The following TAFA2 variants were observed in gnomAD, a reference collection of about 807,000 sequenced individuals.
The protein encoded by TAFA2 is chemokine-like protein TAFA-2.
A neutral mutation model predicts 18.8 loss-of-function variants in TAFA2; 7 were observed. The ratio of observed to expected loss-of-function variants is 0.37; its 90% CI spans 0.21 to 0.70. The LOEUF (loss-of-function observed/expected upper bound fraction) is 0.70. Ranked by LOEUF, TAFA2 falls within the 30% of genes least tolerant of loss-of-function variation. TAFA2 has a pLI of 0.53. For synonymous variants in TAFA2, 60 were observed against 54.2 expected (o/e 1.11, Z -0.47); for missense variants, 122 against 158.1 (o/e 0.77, Z 1.23).
chr12:62,129,444 C>A (rs1447233133), intron 1 of TAFA2, among the ~76,000 whole-genome samples: 1 of 151,816 alleles, frequency 6.6e-6, no homozygotes, highest in Non-Finnish European at 1.5e-5. Flanking sequence ...ATAACTATAC[C>A]ACAGCATAAC....
intron 2 of TAFA2, among the ~76,000 whole-genome samples, chr12:61,802,180 A>T (rs1871423904): frequency 6.6e-6 from 1 of 152,062 alleles, no homozygotes. Flanking sequence ...AAGTATAGCC[A>T]CTATTGAAAA....
At chr12:62,007,262 G>A (rs1394543351) in intron 1 of TAFA2, among the ~76,000 whole-genome samples, 7 of 152,092 alleles carry the variant, frequency 4.6e-5, no homozygotes. Flanking sequence ...CTCATTTAGG[G>A]CATAAATGTT....
intron 1 of TAFA2, among the ~76,000 whole-genome samples, chr12:61,930,025 G>A (rs1430929852): frequency 1.4e-5 from 2 of 147,752 alleles, no homozygotes; most frequent in Non-Finnish European, 2.9e-5. Flanking sequence ...GTAGGGGGGA[G>A]GGATAGCATT....
At chr12:61,838,768 T>C (rs980081441) in intron 2 of TAFA2, among the ~76,000 whole-genome samples, 2 of 151,790 alleles carry the variant, frequency 1.3e-5, no homozygotes, top group South Asian at 4.2e-4. Context: ...TAGAGTGGAG[T>C]GAGGGGCAGC....
intron 2 of TAFA2, among the ~76,000 whole-genome samples, chr12:61,835,265 T>C (rs188485580): frequency 9.4e-4 from 143 of 152,170 alleles, no homozygotes; most frequent in Non-Finnish European, 1.5e-3. Context: ...GATACTCACT[T>C]TCAAATTTGG....
intron 1 of TAFA2, among the ~76,000 whole-genome samples, chr12:62,065,054 G>T (rs1184161016): frequency 6.6e-6 from 1 of 151,958 alleles, no homozygotes; most frequent in East Asian, 1.9e-4. Flanking sequence ...GATAGCTGTT[G>T]TTGCTATATT....
intron 4 of TAFA2, among the ~76,000 whole-genome samples, chr12:61,717,115 G>T (rs2120569287): frequency 6.6e-6 from 1 of 152,180 alleles, no homozygotes; most frequent in Non-Finnish European, 1.5e-5. Flanking sequence ...CTTTTTGTGT[G>T]CTAAATGCGC....
At chr12:62,132,299 GAA>G (rs3031069) in intron 1 of TAFA2, among the ~76,000 whole-genome samples, 13 of 147,518 alleles carry the variant, frequency 8.8e-5, no homozygotes, top group Admixed American at 2.0e-4. Context: ...ACAGTTAGCA[GAA>G]AAAAAAAAAA....
intron 1 of TAFA2, among the ~76,000 whole-genome samples, chr12:62,047,325 C>A (rs967547315): frequency 2.0e-5 from 3 of 152,076 alleles, no homozygotes; most frequent in Admixed American, 2.0e-4. Context: ...CAAGTGACAA[C>A]CTCTATAAAC....
At chr12:61,721,253 C>A (rs979628392) in intron 4 of TAFA2, among the ~76,000 whole-genome samples, 1 of 152,036 alleles carries the variant, frequency 6.6e-6, no homozygotes, top group Admixed American at 6.6e-5. Context: ...GAAAAAAGTT[C>A]ATTAAAAGCA....
chr12:61,919,466 G>A (rs1160272093), intron 1 of TAFA2, among the ~76,000 whole-genome samples: 1 of 152,072 alleles, frequency 6.6e-6, no homozygotes, highest in East Asian at 1.9e-4. Context: ...TATAGTACAA[G>A]GATTGGGAAA....
intron 1 of TAFA2, among the ~76,000 whole-genome samples, chr12:62,176,544 A>C (rs1008894093): frequency 1.3e-5 from 2 of 152,364 alleles, no homozygotes; most frequent in Non-Finnish European, 2.9e-5. Flanking sequence ...TTGAAGAGTT[A>C]GAGCTTTTTT....
At chr12:62,079,498 CA>C (rs368325566) in intron 1 of TAFA2, among the ~76,000 whole-genome samples, 7,747 of 109,100 alleles carry the variant, frequency 0.071, 606 homozygotes, top group African/African-American at 0.22. Context: ...ACTAAAAATA[CA>C]AAAAAAAAAA....
chr12:62,255,261 G>T (rs1382212868), intron 1 of TAFA2: 1 of 152,100 alleles, frequency 6.6e-6, no homozygotes, highest in Admixed American at 6.5e-5. Flanking sequence ...GACTTCAGAG[G>T]CTGCTTAAAC....
chr12:62,093,537 A>T (rs1244273312), intron 1 of TAFA2, among the ~76,000 whole-genome samples: 1 of 151,964 alleles, frequency 6.6e-6, no homozygotes, highest in African/African-American at 2.4e-5. Context: ...AATCAGCAAG[A>T]CCCCCTGGGG....
At chr12:62,067,497 A>C (rs904746925) in intron 1 of TAFA2, among the ~76,000 whole-genome samples, 7 of 151,900 alleles carry the variant, frequency 4.6e-5, no homozygotes, top group African/African-American at 1.7e-4. Context: ...TTGTGTATGA[A>C]GAGAGATAGA....
intron 1 of TAFA2, among the ~76,000 whole-genome samples, chr12:62,012,651 T>C (rs1383703645): frequency 6.6e-6 from 1 of 152,108 alleles, no homozygotes. Flanking sequence ...AAGTACTCTA[T>C]GGAAGAAAAT....
intron 1 of TAFA2, among the ~76,000 whole-genome samples, chr12:62,143,560 G>A (rs1356045696): frequency 7.2e-5 from 11 of 152,062 alleles, no homozygotes; most frequent in Admixed American, 7.2e-4. Context: ...CTTGACTCCA[G>A]CATGTGCCAT....
chr12:62,121,916 T>C (rs1247282490), intron 1 of TAFA2, among the ~76,000 whole-genome samples: 1 of 152,344 alleles, frequency 6.6e-6, no homozygotes, highest in East Asian at 1.9e-4. Flanking sequence ...GTCACCTTTG[T>C]ATTTTACTGA....
Sources: gnomAD v4.1 joint callset for allele counts (sites outside exome capture counted in the v4.1 genomes callset) on GRCh38, gnomAD v4.1.1 for gene constraint, MANE v1.5 for transcripts, NCBI Gene and HGNC (gene_info 2026-07-23, HGNC 2026-07-21) for gene names.